MAPRE2: variants seen among roughly 807,000 people sequenced by gnomAD.
MAPRE2 encodes the protein microtubule-associated protein RP/EB family member 2.
MAPRE2 carries 13 observed loss-of-function variants against 43.2 expected under a neutral mutation model. The observed-to-expected ratio is 0.30, with a 90% CI of 0.20 to 0.48. MAPRE2 has a LOEUF of 0.48. Ranked by LOEUF, MAPRE2 falls within the 20% of genes least tolerant of loss-of-function variation. MAPRE2 has a pLI of 0.99. For synonymous variants in MAPRE2, 135 were observed against 148.8 expected, an observed-to-expected ratio of 0.91 and a Z score of 0.68; for missense variants, 161 against 400.2, an observed-to-expected ratio of 0.40 and a Z score of 5.10.
chr18:35,094,696 G>A (rs1603400428), intron 2 of MAPRE2, among the ~76,000 whole-genome samples: 1 of 152,106 alleles, frequency 6.6e-6, no homozygotes, highest in Non-Finnish European at 1.5e-5. Context: ...ATGGAAAGCC[G>A]AGCTCAGAAG....
chr18:35,005,436 A>G, intron 1 of MAPRE2: 1 of 1,108,656 alleles, frequency 9.0e-7, no homozygotes. Context: ...TTGCTTCCAT[A>G]TTTTCATCAT....
At chr18:35,069,683 A>AAT (rs943044225) in intron 1 of MAPRE2, among the ~76,000 whole-genome samples, 10 of 152,104 alleles carry the variant, frequency 6.6e-5, no homozygotes, top group Middle Eastern at 3.4e-3. Context: ...ACAATATATC[A>AAT]ATATATATAT....
At chr18:34,993,242 C>T (rs536104868) in intron 1 of MAPRE2, among the ~76,000 whole-genome samples, 1 of 151,390 alleles carries the variant, frequency 6.6e-6, no homozygotes, top group South Asian at 2.1e-4. Flanking sequence ...TAGGTGTATA[C>T]CACCATTCCC....
intron 3 of MAPRE2, 110 bp downstream of exon 3, chr18:35,097,701 C>G: frequency 1.1e-6 from 1 of 923,138 alleles, no homozygotes; most frequent in South Asian, 1.7e-5. Context: ...GATATCCCAA[C>G]AGTAGGCTGG....
At chr18:35,006,444 G>C (rs1484940056) in intron 2 of MAPRE2, among the ~76,000 whole-genome samples, 1 of 152,164 alleles carries the variant, frequency 6.6e-6, no homozygotes, top group African/African-American at 2.4e-5. Flanking sequence ...TCTCTAAACA[G>C]TAATGGTGAC....
chr18:35,014,652 G>A (rs1372181868), intron 2 of MAPRE2, among the ~76,000 whole-genome samples: 1 of 151,950 alleles, frequency 6.6e-6, no homozygotes, highest in Non-Finnish European at 1.5e-5. Context: ...ACTCTCCAGG[G>A]CCCTCTGTTG....
chr18:35,014,277 T>A (rs1341425955), intron 2 of MAPRE2, among the ~76,000 whole-genome samples: 1 of 151,838 alleles, frequency 6.6e-6, no homozygotes, highest in Non-Finnish European at 1.5e-5. Flanking sequence ...GGTTTATGAA[T>A]AATGACGGAA....
intron 2 of MAPRE2, among the ~76,000 whole-genome samples, chr18:35,035,080 C>A (rs1409793911): frequency 2.0e-5 from 3 of 150,024 alleles, no homozygotes; most frequent in African/African-American, 2.5e-5. Flanking sequence ...TATTGCGGCA[C>A]TATTCACTAT....
At chr18:35,066,077 C>T (rs1906825475) in intron 1 of MAPRE2, among the ~76,000 whole-genome samples, 1 of 152,230 alleles carries the variant, frequency 6.6e-6, no homozygotes, top group Non-Finnish European at 1.5e-5. Flanking sequence ...CAGTGAGTTG[C>T]TCCTTGTTCT....
At chr18:34,978,392 C>T (rs1392124828) in intron 1 of MAPRE2, 7 of 867,090 alleles carry the variant, frequency 8.1e-6, no homozygotes, top group Non-Finnish European at 1.3e-5. Flanking sequence ...GGCCGCGCTG[C>T]GAGGCGGAGG....
intron 6 of MAPRE2, among the ~76,000 whole-genome samples, chr18:35,136,504 C>G (rs1373428069): frequency 2.0e-5 from 3 of 152,180 alleles, no homozygotes; most frequent in African/African-American, 7.2e-5. Flanking sequence ...GTGTGGGGAG[C>G]AGATAAAAGC....
At chr18:34,988,458 A>G (rs992870617) in intron 1 of MAPRE2, 1 of 152,162 alleles carries the variant, frequency 6.6e-6, no homozygotes, top group Non-Finnish European at 1.5e-5. Context: ...CTTCAAATTG[A>G]GTTTTTTCAT....
chr18:35,123,547 T>A (rs1909779909), intron 4 of MAPRE2, among the ~76,000 whole-genome samples: 1 of 152,210 alleles, frequency 6.6e-6, no homozygotes, highest in South Asian at 2.1e-4. Flanking sequence ...AAGCATATAC[T>A]GACTGAGTTT....
intron 5 of MAPRE2, among the ~76,000 whole-genome samples, chr18:35,131,261 A>G (rs1603404161): frequency 6.6e-6 from 1 of 152,210 alleles, no homozygotes; most frequent in East Asian, 1.9e-4. Flanking sequence ...CATAAAACTA[A>G]ATAGCCATGC....
chr18:35,026,611 T>C (rs1195265250), intron 2 of MAPRE2, among the ~76,000 whole-genome samples: 2 of 151,986 alleles, frequency 1.3e-5, no homozygotes, highest in African/African-American at 2.4e-5. Flanking sequence ...CCACATGGGG[T>C]CAGGTTTGTT....
chr18:34,982,817 T>G (rs1396682609), intron 1 of MAPRE2, among the ~76,000 whole-genome samples: 2 of 152,208 alleles, frequency 1.3e-5, no homozygotes, highest in African/African-American at 2.4e-5. Context: ...TATAACCCAT[T>G]GCTTGTTTTG....
chr18:35,103,973 T>C (rs1229594836), intron 4 of MAPRE2, among the ~76,000 whole-genome samples: 2 of 152,078 alleles, frequency 1.3e-5, no homozygotes, highest in Admixed American at 6.6e-5. Flanking sequence ...GGTGAGCCTA[T>C]ATAGAATAAA....
At chr18:35,019,409 G>A (rs2150586857) in intron 2 of MAPRE2, among the ~76,000 whole-genome samples, 1 of 152,036 alleles carries the variant, frequency 6.6e-6, no homozygotes, top group East Asian at 1.9e-4. Flanking sequence ...GGAGTATTCT[G>A]TAGATGTCTA....
Position 35,084,642 on chromosome 18 carries a change from C to G in MAPRE2, c.251-12804C>G, listed in dbSNP as rs1907787399. On this transcript the variant is annotated intron_variant, in intron 2 of 6. Coordinates refer to ENST00000300249, the MANE Select transcript of MAPRE2 (RefSeq NM_014268.4). Reference sequence around the variant, plus strand: ...AAAAGATGGGGTGCTTTTCAGCACTCTCTTCAGTTCACATAAGCCGCCTCT... The same window carrying G: ...AAAAGATGGGGTGCTTTTCAGCACTGTCTTCAGTTCACATAAGCCGCCTCT... Among the ~76,000 whole-genome samples, 3 of 152,224 alleles carry G rather than the reference C, an allele frequency of 2.0e-5. No individual in the cohort carries two copies. The South Asian group carries it at 6.2e-4, about 32-fold the overall frequency.
Sources: allele counts gnomAD v4.1 joint callset (sites outside exome capture counted in the v4.1 genomes callset), GRCh38; gene constraint gnomAD v4.1.1; transcripts MANE v1.5; gene names NCBI Gene and HGNC (gene_info 2026-07-23, HGNC 2026-07-21).